EIF3D: variants seen among roughly 807,000 people sequenced by gnomAD.
EIF3D encodes the protein eukaryotic translation initiation factor 3 subunit D, also known as eIF3 p66.
Under a neutral mutation model 75.4 loss-of-function variants are expected in EIF3D, and 10 were observed. The ratio of observed to expected loss-of-function variants is 0.13; its 90% CI spans 0.08 to 0.22. The LOEUF (loss-of-function observed/expected upper bound fraction) is 0.22, where lower values mean the gene tolerates loss of function less well. EIF3D is among the 10% of genes least tolerant of loss of function. EIF3D has a pLI of 1.00. For missense variants in EIF3D, 394 were observed against 708.0 expected (o/e 0.56, Z 5.03); for synonymous variants, 246 against 248.3 (o/e 0.99, Z 0.09).
At chr22:36,513,096 G>A (rs1422220654) in intron 12 of EIF3D, among the ~76,000 whole-genome samples, 1 of 152,106 alleles carries the variant, frequency 6.6e-6, no homozygotes, top group African/African-American at 2.4e-5. Flanking sequence ...TGGGTGCAAA[G>A]CTGAGTCTGA....
intron 3 of EIF3D, among the ~76,000 whole-genome samples, chr22:36,525,191 G>C (rs1428078929): frequency 6.6e-6 from 1 of 150,604 alleles, no homozygotes; most frequent in Non-Finnish European, 1.5e-5. Context: ...AAGTGGCAGA[G>C]AGAAAAAGCC....
chr22:36,525,528 G>T, intron 3 of EIF3D, 136 bp downstream of exon 3: 1 of 1,017,366 alleles, frequency 9.8e-7, no homozygotes, highest in Non-Finnish European at 1.5e-6. Context: ...TTAAAGCCCA[G>T]AATACATCCC....
chr22:36,528,975 A>G (rs978904929), intron 1 of EIF3D, 101 bp downstream of exon 1: 2 of 280,774 alleles, frequency 7.1e-6, no homozygotes, highest in Non-Finnish European at 1.3e-5. Context: ...CAACAGCAGG[A>G]AGGGACTAAG....
At chr22:36,522,807 C>T (rs1286648733) in intron 6 of EIF3D, among the ~76,000 whole-genome samples, 1 of 152,170 alleles carries the variant, frequency 6.6e-6, no homozygotes, top group Non-Finnish European at 1.5e-5. Context: ...GGGCTAACTA[C>T]CCAAAGTTTA....
At position 36,518,882 on chromosome 22, in the gene EIF3D, G is replaced by C. The variant is rs760401994; in HGVS notation, c.740C>G (p.Ala247Gly). ...KLAKTQGNVF[A>G]TDAILATLMS... ...CAGCGTGGCCAGGATGGCATCAGTG[G>C]CAAACACATTCCCCTGAGTTTTTGC... Residue 247 changes from alanine to glycine, a missense_variant, in exon 9 of 15, where the codon GCC becomes GGC. By Grantham distance (60) the Ala-to-Gly change is moderately conservative. Coordinates refer to ENST00000216190, the MANE Select transcript of EIF3D (RefSeq NM_003753.4). 3 of 1,614,154 alleles carry C rather than the reference G, an allele frequency of 1.9e-6. No individual in the cohort carries two copies. Among genetic ancestry groups the C allele is most frequent in the Non-Finnish European group, 2.5e-6 (3 of 1,180,018 alleles).
At chr22:36,512,789 A>G in intron 12 of EIF3D, 187 bp from the exon 13 acceptor site, 1 of 621,268 alleles carries the variant, frequency 1.6e-6, no homozygotes, top group African/African-American at 1.8e-5. Context: ...CACAGCAGTC[A>G]CTCAACGACT....
intron 8 of EIF3D, 87 bp from the exon 9 acceptor site, chr22:36,518,997 G>A: frequency 6.5e-7 from 1 of 1,528,774 alleles, no homozygotes; most frequent in Middle Eastern, 2.2e-4. Context: ...CTCCTTTGCT[G>A]ACCACATAAA....
rs1404748649 is a variant in EIF3D, at chr22:36,526,140, T to C, written c.-10-9A>G. 1 of 1,595,402 alleles carries C rather than the reference T, an allele frequency of 6.3e-7. No homozygotes were observed. The highest frequency in any genetic ancestry group is 8.6e-7 in the Non-Finnish European group (1 of 1,168,810). On this transcript the variant is annotated splice_polypyrimidine_tract_variant and intron_variant, in intron 1 of 14. Transcript: ENST00000216190. ...TTGCCATCTTCCAAAATCTGAAAAA[T>C]ATAAATCATGTGAGTAGCGGCATGA...
Position 36,516,530 on chromosome 22 carries a change from T to C in EIF3D, c.1154A>G (p.Asn385Ser). ...CEHDGVMTGA[N>S]GEVSFINIKT... The stretch of plus-strand genomic sequence containing the variant: ...GATGTTGATGAAGGACACTTCCCCG[T>C]TGGCTCCAGTCATGACGCCATCGTG... Residue 385 changes from asparagine (N) to serine (S), a missense_variant, in exon 12 of 15, where the codon AAC becomes AGC. By Grantham distance (46) the Asn-to-Ser change is conservative. Transcript: ENST00000216190. 3 of 1,614,184 alleles carry C rather than the reference T, an allele frequency of 1.9e-6. No individual in the cohort carries two copies. The highest frequency in any genetic ancestry group is 2.5e-6 in the Non-Finnish European group (3 of 1,180,014).
Position 36,511,048 on chromosome 22 carries a change from T to G in EIF3D, c.1634-48A>C, listed in dbSNP as rs199498656. On this transcript the variant is annotated intron_variant, in intron 14 of 14. Coordinates refer to ENST00000216190, the MANE Select transcript of EIF3D (RefSeq NM_003753.4). The stretch of plus-strand genomic sequence containing the variant: ...GAGAAATGAGCCAGGTTGTGTGATA[T>G]GATGTTCACTTTCCTTTCTGAACCT... 121 of 1,592,052 alleles carry G rather than the reference T, an allele frequency of 7.6e-5. No homozygotes were observed. In the East Asian group the frequency reaches 1.5e-3, roughly 20 times the overall value.
At chr22:36,518,586 C>T (rs1934464130) in intron 9 of EIF3D, among the ~76,000 whole-genome samples, 177 bp downstream of exon 9, 2 of 151,762 alleles carry the variant, frequency 1.3e-5, no homozygotes, top group African/African-American at 4.9e-5. Flanking sequence ...CAAGCAGGTA[C>T]TGCAGTGACA....
At chr22:36,524,763 T>C (rs202106686) in intron 3 of EIF3D, 31 bp from the exon 4 acceptor site, 47 of 1,614,050 alleles carry the variant, frequency 2.9e-5, no homozygotes, top group Non-Finnish European at 3.9e-5. Context: ...ATGTAGTAAC[T>C]GCACCCACAG....
intron 13 of EIF3D, among the ~76,000 whole-genome samples, chr22:36,512,014 C>A (rs974975138): frequency 3.3e-5 from 5 of 151,920 alleles, no homozygotes. Flanking sequence ...CCTCAGCCCC[C>A]TGAGTAGCTG....
intron 1 of EIF3D, among the ~76,000 whole-genome samples, chr22:36,527,432 T>C (rs1288913198): frequency 2.0e-5 from 3 of 152,184 alleles, no homozygotes; most frequent in East Asian, 1.9e-4. Flanking sequence ...AAACCGGCGC[T>C]GTATAGCAGA....
At position 36,529,163 on chromosome 22, in the gene EIF3D, A is replaced by G. The variant is rs2145882483; in HGVS notation, c.-98T>C. 2 of 397,778 alleles carry G rather than the reference A, an allele frequency of 5.0e-6. No homozygotes were observed. The highest frequency in any genetic ancestry group is 3.6e-5 in the East Asian group (1 of 28,050). The allele number at this position is 397,778 out of a possible 1,614,324, so 24.6% of individuals were successfully genotyped here. Reference sequence around the variant, plus strand: ...GCAGCACTCTTGAGAAACCAGGAAAAGAGGAAACATGCGCGCGCAGCGGGC... The same window carrying G: ...GCAGCACTCTTGAGAAACCAGGAAAGGAGGAAACATGCGCGCGCAGCGGGC... On this transcript the variant is annotated 5_prime_UTR_variant, in exon 1 of 15. Transcript: ENST00000216190.
chr22:36,519,410 G>A lies in EIF3D; in HGVS notation c.706C>T (p.Arg236Cys). ...GGGCAGAAGGAGGCGCACACCTTGC[G>A]GATGACAGGGTCGTCTGTGGTGGTG... ...TVTTTDDPVI[R>C]KLAKTQGNVF... Residue 236 changes from arginine (R) to cysteine (C), a missense_variant, in exon 8 of 15, where the codon CGC (arginine) becomes TGC (cysteine). Transcript: ENST00000216190. 2 of 1,614,150 alleles carry A rather than the reference G, an allele frequency of 1.2e-6. No individual in the cohort carries two copies. Among genetic ancestry groups the A allele is most frequent in the Non-Finnish European group, 1.7e-6 (2 of 1,180,018 alleles).
At chr22:36,514,949 G>A (rs1009134494) in intron 12 of EIF3D, among the ~76,000 whole-genome samples, 3 of 152,066 alleles carry the variant, frequency 2.0e-5, no homozygotes, top group African/African-American at 7.3e-5. Context: ...GAGTATTCAA[G>A]AGATCTGGTT....
At position 36,524,272 on chromosome 22, in the gene EIF3D, C is replaced by T. The variant is rs143180024; in HGVS notation, c.307-292G>A. 5.5e-4 allele frequency among the ~76,000 whole-genome samples: 83 copies of T among 152,274 alleles called. 2 individuals carry two copies. The East Asian group carries it at 0.014, about 25-fold the overall frequency. ...AATAATAATAGGCAATCTGACTGGA[C>T]CATCTACTTAATAAAGTCTGCACAC... is the stretch of plus-strand genomic sequence containing the variant. On this transcript the variant is annotated intron_variant, in intron 4 of 14. Transcript: ENST00000216190.
At position 36,524,698 on chromosome 22, in the gene EIF3D, T is replaced by C. The variant is rs1934567894; in HGVS notation, c.204A>G (p.Gln68=). 5 of 1,614,108 alleles carry C rather than the reference T, an allele frequency of 3.1e-6. No homozygotes were observed. The highest frequency in any genetic ancestry group is 4.2e-6 in the Non-Finnish European group (5 of 1,180,056). ...KYSSQFGGGS[Q]YAYFHEEDES... is the part of the protein sequence containing the mutation. ...CATCCTCCTCATGGAAATAAGCATA[T>C]TGACTTCCACCACCAAACTGAGAGG... Residue 68 remains glutamine (Q), a synonymous_variant, in exon 4 of 15, where the codon CAA becomes CAG. Coordinates refer to ENST00000216190, the MANE Select transcript of EIF3D (RefSeq NM_003753.4).
Sources: allele counts gnomAD v4.1 joint callset (sites outside exome capture counted in the v4.1 genomes callset), GRCh38; gene constraint gnomAD v4.1.1; transcripts MANE v1.5; gene names NCBI Gene and HGNC (gene_info 2026-07-23, HGNC 2026-07-21).